The following RRBP1 variants were observed in gnomAD, a reference collection of about 807,000 sequenced individuals.
RRBP1 encodes ribosome-binding protein 1.
Under a neutral mutation model 165.2 loss-of-function variants are expected in RRBP1, and 94 were observed. That is an observed-to-expected ratio of 0.57 (90% CI 0.48 to 0.68). RRBP1 has a LOEUF of 0.68. RRBP1 is among the 30% of genes least tolerant of loss of function. The pLI is 0.00. For synonymous variants in RRBP1, 680 were observed against 714.5 expected (o/e 0.95, Z 0.77); for missense variants, 1,676 against 1,763.0 (o/e 0.95, Z 0.88).
chr20:17,615,388 A>G, intron 23 of RRBP1, 43 bp downstream of exon 23: 1 of 1,502,426 alleles, frequency 6.7e-7, no homozygotes, highest in Non-Finnish European at 9.1e-7. Context: ...CCAGCCCCAG[A>G]GCAGACCCTC....
intron 9 of RRBP1, 59 bp from the exon 10 acceptor site, chr20:17,627,741 G>C: frequency 6.7e-7 from 1 of 1,493,776 alleles, no homozygotes; most frequent in Non-Finnish European, 9.0e-7. Context: ...GGGGTGTGGA[G>C]GATGCCCTCA....
chr20:17,634,000 C>T (rs899935936), intron 7 of RRBP1, among the ~76,000 whole-genome samples: 4 of 152,238 alleles, frequency 2.6e-5, no homozygotes, highest in Admixed American at 2.0e-4. Flanking sequence ...AGTCCACGCG[C>T]CCCCTCACTG....
chr20:17,649,610 T>G, intron 3 of RRBP1, among the ~76,000 whole-genome samples: 1 of 151,684 alleles, frequency 6.6e-6, no homozygotes, highest in Non-Finnish European at 1.5e-5. Flanking sequence ...GGTGAGGAGC[T>G]GGGAGCAAGG....
chr20:17,672,072 C>T (rs1367786891), intron 2 of RRBP1, among the ~76,000 whole-genome samples: 1 of 152,202 alleles, frequency 6.6e-6, no homozygotes, highest in African/African-American at 2.4e-5. Context: ...TCCTTCATTA[C>T]TAGGTGGGCC....
rs1463384269 is a variant in RRBP1, at chr20:17,613,970, G to C, written c.*212C>G. On this transcript the variant is annotated 3_prime_UTR_variant, in exon 25 of 25. Coordinates refer to ENST00000377813, the MANE Select transcript of RRBP1 (RefSeq NM_001365613.2). Reference sequence around the variant, plus strand: ...GTGGCCCGGGGCTGCGCCCAGGATAGTGTTTATCAAATGTGACACAGGTTC... The same window carrying C: ...GTGGCCCGGGGCTGCGCCCAGGATACTGTTTATCAAATGTGACACAGGTTC... The C allele has an allele frequency of 1.7e-6, 1 of 590,454 alleles. No homozygotes were observed. 36.6% of individuals were successfully genotyped at this position (590,454 alleles called of 1,614,324 possible).
At chr20:17,654,412 G>A (rs1473032126) in intron 3 of RRBP1, among the ~76,000 whole-genome samples, 2 of 152,222 alleles carry the variant, frequency 1.3e-5, no homozygotes, top group Non-Finnish European at 2.9e-5. Context: ...GGTTTTCTGT[G>A]GATAAACTTG....
At chr20:17,649,249 T>G (rs1028557661) in intron 3 of RRBP1, among the ~76,000 whole-genome samples, 3 of 152,188 alleles carry the variant, frequency 2.0e-5, no homozygotes, top group Admixed American at 6.5e-5. Context: ...GATCTCCGTG[T>G]ACACCTCTCT....
At chr20:17,626,348 C>A (rs964931136) in intron 11 of RRBP1, among the ~76,000 whole-genome samples, 61 of 152,164 alleles carry the variant, frequency 4.0e-4, no homozygotes, top group Non-Finnish European at 7.5e-4. Context: ...ACAAAGTTTG[C>A]CCATGCTTTT....
At chr20:17,672,884 T>C (rs1473431819) in intron 2 of RRBP1, among the ~76,000 whole-genome samples, 2 of 152,194 alleles carry the variant, frequency 1.3e-5, no homozygotes, top group Admixed American at 1.3e-4. Flanking sequence ...AAAGAGCATA[T>C]GCCGTTTGAG....
At chr20:17,667,133 A>G (rs2036887284) in intron 2 of RRBP1, among the ~76,000 whole-genome samples, 1 of 152,214 alleles carries the variant, frequency 6.6e-6, no homozygotes, top group African/African-American at 2.4e-5. Context: ...TAAGCTAAAA[A>G]TCATTCCTTT....
rs752747081 is a variant in RRBP1 at position 17,635,644 on chromosome 20, C to T, written c.2358G>A (p.Gln786=). 3 of 1,613,592 alleles carry T rather than the reference C, an allele frequency of 1.9e-6. No individual in the cohort carries two copies. The African/African-American group carries it at 4.0e-5, about 21-fold the overall frequency. The change falls in exon 7 of 25, where the codon CAG becomes CAA. Residue 786 remains glutamine (Q), a synonymous_variant. Transcript: ENST00000377813. ...LQGKIRTLQE[Q]LENGPNTQLA... is the part of the protein sequence containing the mutation. ...GCTGCGTGTTGGGGCCATTCTCCAG[C>T]TGCTCCTGAAGAGTCCGGATCTGGA...
At chr20:17,635,364 G>A (rs568431929) in intron 7 of RRBP1, among the ~76,000 whole-genome samples, 182 bp downstream of exon 7, 2 of 152,312 alleles carry the variant, frequency 1.3e-5, no homozygotes, top group African/African-American at 4.8e-5. Context: ...AGGGACGCTG[G>A]GCCACCTGTT....
At chr20:17,668,642 T>G (rs980880770) in intron 2 of RRBP1, among the ~76,000 whole-genome samples, 4 of 152,186 alleles carry the variant, frequency 2.6e-5, no homozygotes, top group African/African-American at 9.7e-5. Flanking sequence ...ACTGGGCAGG[T>G]GTTCTTTCTA....
Position 17,618,617 on chromosome 20 carries a change from T to A in RRBP1, c.3738A>T (p.Lys1246Asn). Residue 1246 changes from lysine (K) to asparagine (N), a missense_variant, in exon 20 of 25, where the codon AAA (lysine) becomes AAT (asparagine). Coordinates refer to ENST00000377813, the MANE Select transcript of RRBP1 (RefSeq NM_001365613.2). ...CTACCAGGGCAAGCTCATCGCTCTG[T>A]TTCTGGGCTTCGCTCTTGGCGGCAT... ...QLDAAKSEAQ[K>N]QSDELALVRQ... 6.2e-7 allele frequency: 1 copy of A among 1,613,994 alleles called. No homozygotes were observed.
chr20:17,622,300 A>G (rs952354974), intron 13 of RRBP1, among the ~76,000 whole-genome samples: 4 of 152,068 alleles, frequency 2.6e-5, no homozygotes, highest in African/African-American at 9.7e-5. Context: ...GTGTGGGGGA[A>G]TTTGGGGGGT....
intron 8 of RRBP1, among the ~76,000 whole-genome samples, chr20:17,630,321 CA>C (rs1414032066): frequency 6.6e-6 from 1 of 152,190 alleles, no homozygotes; most frequent in African/African-American, 2.4e-5. Context: ...ATTCCTCTCC[CA>C]GGGGCGGACA....
intron 3 of RRBP1, among the ~76,000 whole-genome samples, chr20:17,656,249 G>T (rs2036644012): frequency 6.6e-6 from 1 of 152,186 alleles, no homozygotes; most frequent in South Asian, 2.1e-4. Context: ...CACCTTGCGG[G>T]CGGCATGTTG....
Position 17,614,235 on chromosome 20 carries a change from A to C in RRBP1, c.4195-15T>G, listed in dbSNP as rs752634971. On this transcript the variant is annotated splice_polypyrimidine_tract_variant and intron_variant, in intron 24 of 24. Coordinates refer to ENST00000377813, the MANE Select transcript of RRBP1 (RefSeq NM_001365613.2). ...CTGCCGTCCTCCTGTGAACGAAGGC[A>C]GGTGGCGTGAGGGGGGCTGGGCCAC... 3 of 1,612,354 alleles carry C rather than the reference A, an allele frequency of 1.9e-6. No homozygotes were observed. The highest frequency in any genetic ancestry group is 2.5e-6 in the Non-Finnish European group (3 of 1,179,872).
rs78590222 is a variant in RRBP1 at position 17,644,479 on chromosome 20, T to G, written c.1913-1352A>C. ...GGAGAAACCCCCGTGTTAGTTCACA[T>G]TTCGGTTCCCAGCCTTCCTGTCTTC... On this transcript the variant is annotated intron_variant, in intron 3 of 24. Coordinates refer to ENST00000377813, the MANE Select transcript of RRBP1 (RefSeq NM_001365613.2). 2.6e-5 allele frequency among the ~76,000 whole-genome samples: 4 copies of G among 152,234 alleles called. No individual in the cohort carries two copies. In the East Asian group the frequency reaches 7.7e-4, roughly 29 times the overall value.
Sources: gnomAD v4.1 joint callset for allele counts (sites outside exome capture counted in the v4.1 genomes callset) on GRCh38, gnomAD v4.1.1 for gene constraint, MANE v1.5 for transcripts, NCBI Gene and HGNC (gene_info 2026-07-23, HGNC 2026-07-21) for gene names.